The following UXS1 variants were observed in gnomAD, a reference collection of about 807,000 sequenced individuals.
UXS1 encodes the protein UDP-glucuronic acid decarboxylase 1.
A neutral mutation model predicts 62.6 loss-of-function variants in UXS1; 33 were observed. That is an observed-to-expected ratio of 0.53 (90% CI 0.40 to 0.70). UXS1 has a LOEUF of 0.70. Ranked by LOEUF, UXS1 falls within the 30% of genes least tolerant of loss-of-function variation. The pLI is 0.00. For synonymous variants in UXS1, 213 were observed against 206.8 expected, an observed-to-expected ratio of 1.03 and a Z score of -0.26; for missense variants, 434 against 556.3, an observed-to-expected ratio of 0.78 and a Z score of 2.21.
chr2:106,095,750 A>C (rs1677025232), intron 14 of UXS1, among the ~76,000 whole-genome samples: 1 of 152,204 alleles, frequency 6.6e-6, no homozygotes, highest in Admixed American at 6.5e-5. Flanking sequence ...GGTGACAGTA[A>C]ATGAGGTGGG....
At chr2:106,177,138 T>C (rs540914439) in intron 1 of UXS1, among the ~76,000 whole-genome samples, 12 of 152,156 alleles carry the variant, frequency 7.9e-5, no homozygotes, top group African/African-American at 2.6e-4. Context: ...TAGAGGATAA[T>C]ACATACAGCA....
intron 5 of UXS1, among the ~76,000 whole-genome samples, chr2:106,155,151 C>T (rs1280848893): frequency 1.3e-5 from 2 of 152,166 alleles, no homozygotes; most frequent in East Asian, 3.8e-4. Flanking sequence ...TCCCACTAGG[C>T]CCCACCTCCA....
chr2:106,150,648 G>A (rs973127989), intron 5 of UXS1, among the ~76,000 whole-genome samples: 5 of 152,240 alleles, frequency 3.3e-5, no homozygotes, highest in Non-Finnish European at 7.3e-5. Context: ...ATGAGAACAT[G>A]GCTTCTTCCA....
At chr2:106,122,907 T>G in intron 9 of UXS1, 63 bp downstream of exon 9, 1 of 1,593,294 alleles carries the variant, frequency 6.3e-7, no homozygotes, top group East Asian at 2.3e-5. Context: ...TTTACAACAC[T>G]TTACATCTGA....
chr2:106,176,041 C>T (rs538028794), intron 1 of UXS1, among the ~76,000 whole-genome samples: 3 of 152,266 alleles, frequency 2.0e-5, no homozygotes, highest in South Asian at 4.2e-4. Flanking sequence ...CTTGCCCTAC[C>T]AAGTGTATCT....
At chr2:106,098,920 C>T (rs1386896613) in intron 12 of UXS1, 147 bp from the exon 13 acceptor site, 4 of 690,482 alleles carry the variant, frequency 5.8e-6, no homozygotes, top group Non-Finnish European at 1.0e-5. Flanking sequence ...CCAGAGGGTA[C>T]TCCGCTTCCA....
Position 106,177,643 on chromosome 2 carries a change from T to C in UXS1, c.95-11560A>G, listed in dbSNP as rs557177957. 3.9e-5 allele frequency among the ~76,000 whole-genome samples: 6 copies of C among 152,354 alleles called. No individual in the cohort carries two copies. The East Asian group carries it at 9.6e-4, about 24-fold the overall frequency. On this transcript the variant is annotated intron_variant, in intron 1 of 14. Transcript: ENST00000283148. ...CTTTTGAACACCTTTTTTAAGTCTG[T>C]ACAGGATGCTGCCATGTGAGGACAC...
intron 1 of UXS1, among the ~76,000 whole-genome samples, chr2:106,185,685 T>A (rs1449749635): frequency 1.3e-5 from 2 of 152,208 alleles, no homozygotes; most frequent in Non-Finnish European, 2.9e-5. Context: ...GGAAAAAAGG[T>A]CTTTTTAGCT....
chr2:106,145,143 G>A, intron 6 of UXS1, 47 bp downstream of exon 6: 1 of 1,575,848 alleles, frequency 6.3e-7, no homozygotes, highest in Non-Finnish European at 8.6e-7. Context: ...CTCTGGCAAG[G>A]CCACCTGCGG....
rs147437445 is a variant in UXS1 at position 106,127,063 on chromosome 2, T to G, written c.578-1384A>C. ...CTCAAAATCTATCCAAGCTGCAGTG[T>G]GTATCAAAGTTCCTTCCTAATCTAT... is the stretch of plus-strand genomic sequence containing the variant. On this transcript the variant is annotated intron_variant, in intron 7 of 14. Coordinates refer to ENST00000283148, the MANE Select transcript of UXS1 (RefSeq NM_001253875.2). Among the ~76,000 whole-genome samples the G allele has an allele frequency of 1.1e-3, 173 of 152,308 alleles. 3 individuals are homozygous for G. The East Asian group carries it at 0.033, about 29-fold the overall frequency.
At chr2:106,104,919 G>A (rs1489762958) in intron 10 of UXS1, 82 bp from the exon 11 acceptor site, 5 of 1,556,832 alleles carry the variant, frequency 3.2e-6, no homozygotes, top group African/African-American at 1.4e-5. Context: ...AGGGGACACA[G>A]TCCGACCTTG....
intron 4 of UXS1, chr2:106,159,431 C>G (rs555427524): frequency 1.0e-4 from 16 of 152,418 alleles, no homozygotes; most frequent in African/African-American, 3.1e-4. Context: ...TGGATCTGCT[C>G]TGACCCTAAG....
At chr2:106,115,902 C>A (rs1218308758) in intron 9 of UXS1, among the ~76,000 whole-genome samples, 4 of 152,210 alleles carry the variant, frequency 2.6e-5, no homozygotes, top group African/African-American at 4.8e-5. Flanking sequence ...GTGACAGTGA[C>A]CACGTGTGGA....
intron 6 of UXS1, among the ~76,000 whole-genome samples, chr2:106,140,911 C>T (rs576606268): frequency 3.9e-5 from 6 of 152,220 alleles, no homozygotes; most frequent in East Asian, 1.9e-4. Context: ...TTTATACAGA[C>T]GGTGGAAAAG....
chr2:106,149,497 G>A (rs945000993), intron 5 of UXS1, among the ~76,000 whole-genome samples: 15 of 152,308 alleles, frequency 9.8e-5, no homozygotes, highest in Admixed American at 2.0e-4. Context: ...ATAGAAGCAC[G>A]AGTTCAGTCC....
At chr2:106,184,528 A>T (rs980660065) in intron 1 of UXS1, among the ~76,000 whole-genome samples, 19 of 152,210 alleles carry the variant, frequency 1.2e-4, no homozygotes, top group Admixed American at 5.2e-4. Context: ...ACAGTTATGA[A>T]GGTTGGGAAG....
chr2:106,106,002 G>T (rs996290885), intron 10 of UXS1, among the ~76,000 whole-genome samples: 9 of 152,150 alleles, frequency 5.9e-5, no homozygotes, highest in African/African-American at 2.2e-4. Context: ...CAGACACTCA[G>T]CCTGGCTTTC....
chr2:106,123,732 A>T (rs1225504068), intron 8 of UXS1, among the ~76,000 whole-genome samples: 1 of 152,238 alleles, frequency 6.6e-6, no homozygotes, highest in African/African-American at 2.4e-5. Flanking sequence ...GAAAACACGT[A>T]ACAAATTCTT....
At chr2:106,191,841 G>A (rs899571650) in intron 1 of UXS1, among the ~76,000 whole-genome samples, 11 of 152,184 alleles carry the variant, frequency 7.2e-5, no homozygotes, top group African/African-American at 2.4e-4. Flanking sequence ...CTCTCACTCA[G>A]GAGTTCCTGG....
Sources: allele counts gnomAD v4.1 joint callset (sites outside exome capture counted in the v4.1 genomes callset), GRCh38; gene constraint gnomAD v4.1.1; transcripts MANE v1.5; gene names NCBI Gene and HGNC (gene_info 2026-07-23, HGNC 2026-07-21).